The following IL7 variants were observed in gnomAD, a reference collection of about 807,000 sequenced individuals.
The protein encoded by IL7 is interleukin-7.
In IL7, 3 loss-of-function variants were observed where a neutral mutation model predicts 21.6. The ratio of observed to expected loss-of-function variants is 0.14; its 90% confidence interval spans 0.06 to 0.36. The LOEUF is 0.36. Among genes scored for constraint, IL7 ranks in the 10% least tolerant of loss-of-function variants. The pLI is 1.00. For missense variants in IL7, 175 were observed against 200.2 expected, an observed-to-expected ratio of 0.87 and a Z score of 0.76; for synonymous variants, 62 against 68.1, an observed-to-expected ratio of 0.91 and a Z score of 0.44.
At chr8:78,716,094 C>T (rs1452833248), downstream of IL7, among the ~76,000 whole-genome samples, 1 of 148,764 alleles carries the variant, frequency 6.7e-6, no homozygotes, top group Admixed American at 6.7e-5. Context: ...ATCTATTTTA[C>T]CTTTATTACT....
At position 78,740,102 on chromosome 8, in the gene IL7, A is replaced by G. The variant is rs1318178185; in HGVS notation, c.148-20T>C. Reference sequence around the variant, plus strand: ...GCTGTCCTGTAATAAATAACATAAAATAATATGGTTAAAACTGAGTACTTT... The same window carrying G: ...GCTGTCCTGTAATAAATAACATAAAGTAATATGGTTAAAACTGAGTACTTT... On this transcript the variant is annotated intron_variant, in intron 2 of 5. Transcript: ENST00000263851. 9 of 1,387,092 alleles carry G rather than the reference A, an allele frequency of 6.5e-6. No homozygotes were observed. The highest frequency in any genetic ancestry group is 7.7e-6 in the Non-Finnish European group (8 of 1,044,930). 85.9% of individuals were successfully genotyped at this position (1,387,092 alleles called of 1,614,324 possible). A position where few individuals can be genotyped will look rare whatever the true frequency, so the allele number is the denominator to read the frequency against.
At chr8:78,718,058 AC>A (rs1811161863) in intron 6 of IL7, 1 of 151,952 alleles carries the variant, frequency 6.6e-6, no homozygotes, top group Non-Finnish European at 1.5e-5. Flanking sequence ...AGAAAAAAAA[AC>A]CCCTCTATTA....
At chr8:78,769,117 C>G (rs1361157504) in intron 2 of IL7, among the ~76,000 whole-genome samples, 63 of 151,970 alleles carry the variant, frequency 4.1e-4, no homozygotes, top group African/African-American at 1.4e-3. Context: ...CCTTTGAAAA[C>G]TGGCACAAGA....
At chr8:78,750,241 A>AG (rs1489607595) in intron 2 of IL7, among the ~76,000 whole-genome samples, 1 of 152,122 alleles carries the variant, frequency 6.6e-6, no homozygotes, top group African/African-American at 2.4e-5. Context: ...GGGAAAAAAA[A>AG]GAGCAGCACT....
At chr8:78,786,913 G>A (rs1382646828) in intron 2 of IL7, among the ~76,000 whole-genome samples, 1 of 152,112 alleles carries the variant, frequency 6.6e-6, no homozygotes, top group East Asian at 1.9e-4. Context: ...GAGAGGAGAG[G>A]GGCTGAAGGT....
chr8:78,717,619 T>C, downstream of IL7: 1 of 1,083,028 alleles, frequency 9.2e-7, no homozygotes, highest in Non-Finnish European at 1.3e-6. Context: ...CAGTTAATTT[T>C]GAAGTGTAAT....
intron 5 of IL7, among the ~76,000 whole-genome samples, chr8:78,735,294 T>TTTTTTTTTTTTTTTTTTTTG (rs1811547506): frequency 1.4e-5 from 1 of 73,032 alleles, no homozygotes; most frequent in African/African-American, 6.7e-5. Flanking sequence ...TTTTTTTTTG[T>TTTTTTTTTTTTTTTTTTTTG]TTTTTTTTTT....
chr8:78,689,147 A>C, intron 3 of IL7: 1 of 1,156,848 alleles, frequency 8.6e-7, no homozygotes, highest in Non-Finnish European at 1.1e-6. Flanking sequence ...GAATGACTGC[A>C]TAGAAACTTA....
chr8:78,762,893 T>A (rs1388540996), intron 2 of IL7, among the ~76,000 whole-genome samples: 1 of 152,238 alleles, frequency 6.6e-6, no homozygotes, highest in Admixed American at 6.5e-5. Context: ...TCTCTTTTAA[T>A]TTCATGGATT....
downstream of IL7, among the ~76,000 whole-genome samples, chr8:78,728,655 C>G (rs1811373671): frequency 6.6e-6 from 1 of 151,962 alleles, no homozygotes; most frequent in South Asian, 2.1e-4. Context: ...TATACAACTT[C>G]TAGAGCAATG....
downstream of IL7, among the ~76,000 whole-genome samples, chr8:78,712,976 T>C (rs1377841528): frequency 6.6e-6 from 1 of 152,216 alleles, no homozygotes; most frequent in East Asian, 1.9e-4. Context: ...AGCCATTTGC[T>C]ATTTTTAAGT....
chr8:78,791,018 T>C lies in IL7; in HGVS notation c.147+7054A>G, dbSNP rs557566050. Reference sequence around the variant, plus strand: ...GTTTGGTACTGACCCAGGACAGATATACAGATGAACAAAATGGAATTGGAG... The same window carrying C: ...GTTTGGTACTGACCCAGGACAGATACACAGATGAACAAAATGGAATTGGAG... On this transcript the variant is annotated intron_variant, in intron 2 of 5. Transcript: ENST00000263851. Among the ~76,000 whole-genome samples the C allele has an allele frequency of 3.9e-5, 6 of 152,030 alleles. No individual in the cohort carries two copies. In the South Asian group the frequency reaches 1.0e-3, roughly 26 times the overall value.
chr8:78,702,296 A>G (rs1049754006), intron 3 of IL7, among the ~76,000 whole-genome samples: 3 of 152,018 alleles, frequency 2.0e-5, no homozygotes, highest in Admixed American at 2.0e-4. Flanking sequence ...TTGTATTTCT[A>G]TGGGGTCAAG....
At chr8:78,698,495 T>C (rs770305802) in intron 3 of IL7, 1 of 1,610,384 alleles carries the variant, frequency 6.2e-7, no homozygotes, top group Non-Finnish European at 8.5e-7. Flanking sequence ...CATAAAGGGA[T>C]AGCAGCCCCT....
At chr8:78,704,999 A>C (rs746064360) in intron 3 of IL7, among the ~76,000 whole-genome samples, 1 of 152,174 alleles carries the variant, frequency 6.6e-6, no homozygotes, top group Non-Finnish European at 1.5e-5. Flanking sequence ...TTGCTCCTGC[A>C]GTGTTTTATC....
At chr8:78,768,669 T>A (rs927080514) in intron 2 of IL7, among the ~76,000 whole-genome samples, 1 of 151,916 alleles carries the variant, frequency 6.6e-6, no homozygotes, top group Non-Finnish European at 1.5e-5. Flanking sequence ...TTCTGGATAT[T>A]AGCCCTTTGT....
At chr8:78,757,180 G>C (rs539806824) in intron 2 of IL7, among the ~76,000 whole-genome samples, 1 of 151,626 alleles carries the variant, frequency 6.6e-6, no homozygotes, top group African/African-American at 2.4e-5. Context: ...TTATTTCAAT[G>C]TATTTGTACA....
chr8:78,691,829 T>G (rs1810222469), intron 3 of IL7, among the ~76,000 whole-genome samples: 1 of 151,300 alleles, frequency 6.6e-6, no homozygotes, highest in African/African-American at 2.4e-5. Context: ...TATGTAACTC[T>G]AGATATTATA....
chr8:78,752,691 C>G (rs1812214308), intron 2 of IL7, among the ~76,000 whole-genome samples: 1 of 152,044 alleles, frequency 6.6e-6, no homozygotes, highest in African/African-American at 2.4e-5. Flanking sequence ...GTTTGTTGCA[C>G]CCGTCAACCC....
Sources: allele counts gnomAD v4.1 joint callset (sites outside exome capture counted in the v4.1 genomes callset), GRCh38; gene constraint gnomAD v4.1.1; transcripts MANE v1.5; gene names NCBI Gene and HGNC (gene_info 2026-07-23, HGNC 2026-07-21).